The following COL4A3 variants were observed in gnomAD, a reference collection of about 807,000 sequenced individuals.
The protein encoded by COL4A3 is collagen alpha-3(IV) chain.
COL4A3 carries 135 observed loss-of-function variants against 217.4 expected under a neutral mutation model. The observed-to-expected ratio is 0.62, with a 90% CI of 0.54 to 0.72. The LOEUF is 0.72. Among genes scored for constraint, COL4A3 ranks in the 30% least tolerant of loss-of-function variants. The pLI, the probability that COL4A3 is intolerant of heterozygous loss-of-function variation, is 0.00. For missense variants in COL4A3, 1,868 were observed against 2,119.9 expected, an observed-to-expected ratio of 0.88 and a Z score of 2.33; for synonymous variants, 690 against 736.3, an observed-to-expected ratio of 0.94 and a Z score of 1.02.
chr2:227,244,254 G>T, intron 3 of COL4A3, 66 bp from the exon 4 acceptor site: 1 of 1,360,714 alleles, frequency 7.3e-7, no homozygotes, highest in Non-Finnish European at 1.1e-6. Context: ...TGGGTTTGAT[G>T]TATGGGTTTC....
intron 1 of COL4A3, among the ~76,000 whole-genome samples, chr2:227,178,305 C>T (rs2065755344): frequency 6.6e-6 from 1 of 152,058 alleles, no homozygotes; most frequent in Non-Finnish European, 1.5e-5. Flanking sequence ...TCGCTTGAGC[C>T]CTGCAGAGTG....
chr2:227,225,315 C>T (rs1188046464), intron 1 of COL4A3, among the ~76,000 whole-genome samples: 1 of 152,200 alleles, frequency 6.6e-6, no homozygotes, highest in African/African-American at 2.4e-5. Flanking sequence ...TGCGTCTCCA[C>T]CTGCCAGCCT....
Position 227,295,304 on chromosome 2 carries a change from C to A in COL4A3, c.3553C>A (p.Pro1185Thr). 2 of 1,614,068 alleles carry A rather than the reference C, an allele frequency of 1.2e-6. No individual in the cohort carries two copies. Among genetic ancestry groups the A allele is most frequent in the Non-Finnish European group, 1.7e-6 (2 of 1,179,958 alleles). ...LRAPPGPRGN[P>T]GAQGAKGDRG... ...GGCCCCTCCAGGCCCAAGAGGGAAC[C>A]CTGGTGCTCAAGGTAAGCAGTTCTT... Residue 1185 changes from proline to threonine, a missense_variant, in exon 41 of 52, where the codon CCT becomes ACT. This residue lies in a region of COL4A3 where 1,503 missense variants were observed against 1,786.1 expected (regional missense o/e 0.84). Transcript: ENST00000396578.
chr2:227,167,119 T>A (rs2065305505), intron 1 of COL4A3, among the ~76,000 whole-genome samples: 1 of 152,224 alleles, frequency 6.6e-6, no homozygotes, highest in South Asian at 2.1e-4. Context: ...AAAAACATAG[T>A]GTGGGCCAAA....
chr2:227,304,700 C>A (rs2073429912), intron 46 of COL4A3, among the ~76,000 whole-genome samples: 1 of 152,144 alleles, frequency 6.6e-6, no homozygotes, highest in Non-Finnish European at 1.5e-5. Flanking sequence ...TTGATCAATT[C>A]AGGGACATAG....
intron 37 of COL4A3, 148 bp downstream of exon 37, chr2:227,291,034 T>A: frequency 2.2e-6 from 2 of 913,000 alleles, no homozygotes; most frequent in East Asian, 2.7e-5. Flanking sequence ...AAATCCTATC[T>A]CCACAACAGA....
intron 1 of COL4A3, among the ~76,000 whole-genome samples, chr2:227,172,447 G>T (rs992113585): frequency 6.6e-6 from 1 of 152,098 alleles, no homozygotes; most frequent in Non-Finnish European, 1.5e-5. Flanking sequence ...TAGTTCGGCG[G>T]GGGTGGTTGG....
At chr2:227,201,918 G>A (rs769518085) in intron 1 of COL4A3, among the ~76,000 whole-genome samples, 1 of 152,172 alleles carries the variant, frequency 6.6e-6, no homozygotes, top group African/African-American at 2.4e-5. Flanking sequence ...ATGGAATGAT[G>A]TATTATTAAC....
chr2:227,225,917 G>T (rs1283063621), intron 1 of COL4A3, among the ~76,000 whole-genome samples: 1 of 152,054 alleles, frequency 6.6e-6, no homozygotes, highest in African/African-American at 2.4e-5. Context: ...TCACCCTGTT[G>T]GCCAGGCTGG....
At chr2:227,274,271 A>AAATAAATTAATT (rs1397286605) in intron 26 of COL4A3, among the ~76,000 whole-genome samples, 3 of 148,752 alleles carry the variant, frequency 2.0e-5, no homozygotes, top group African/African-American at 7.7e-5. Context: ...ATAAATAAAT[A>AAATAAATTAATT]AATTTTAAAA....
At chr2:227,308,455 C>A (rs150294094) in intron 48 of COL4A3, among the ~76,000 whole-genome samples, 281 of 152,310 alleles carry the variant, frequency 1.8e-3, no homozygotes, top group African/African-American at 6.3e-3. Context: ...CTCAAGCAAT[C>A]CTCCCTCCTC....
At chr2:227,247,772 T>C (rs192883698) in intron 8 of COL4A3, among the ~76,000 whole-genome samples, 188 bp downstream of exon 8, 21 of 152,308 alleles carry the variant, frequency 1.4e-4, no homozygotes, top group African/African-American at 5.1e-4. Flanking sequence ...GCTCTTGTCA[T>C]AAAGAGTCTT....
intron 37 of COL4A3, 68 bp from the exon 38 acceptor site, chr2:227,293,123 T>A (rs1371601145): frequency 6.2e-7 from 1 of 1,600,170 alleles, no homozygotes; most frequent in African/African-American, 1.3e-5. Flanking sequence ...GTGAATAAAG[T>A]TTATGCTGAA....
At chr2:227,168,234 A>G (rs77984924) in intron 1 of COL4A3, among the ~76,000 whole-genome samples, 1 of 152,378 alleles carries the variant, frequency 6.6e-6, no homozygotes, top group Non-Finnish European at 1.5e-5. Flanking sequence ...TGGTTCGTAG[A>G]GAAAACAAAT....
chr2:227,184,921 A>G (rs572176927), intron 1 of COL4A3, among the ~76,000 whole-genome samples: 136 of 19,122 alleles, frequency 7.1e-3, no homozygotes, highest in Non-Finnish European at 0.01. Flanking sequence ...TTTTTTTTTG[A>G]GATGGAGTCT....
chr2:227,212,023 G>T (rs1231538227), intron 1 of COL4A3, among the ~76,000 whole-genome samples: 4 of 152,156 alleles, frequency 2.6e-5, no homozygotes, highest in Non-Finnish European at 5.9e-5. Flanking sequence ...AATGATGTGT[G>T]TGAAGGCATA....
intron 1 of COL4A3, among the ~76,000 whole-genome samples, chr2:227,234,038 T>A (rs567412810): frequency 6.6e-6 from 1 of 152,230 alleles, no homozygotes; most frequent in Non-Finnish European, 1.5e-5. Context: ...AGTTACTGTA[T>A]CAACATTGAT....
Position 227,249,772 on chromosome 2 carries a change from C to T in COL4A3, c.546+1252C>T, listed in dbSNP as rs1385263521. Among the ~76,000 whole-genome samples the T allele has an allele frequency of 4.6e-5, 7 of 152,094 alleles. No individual in the cohort carries two copies. In the South Asian group the frequency reaches 8.3e-4, roughly 18 times the overall value. ...AGATATGATGGCTCTCGCTTTTTTG[C>T]TTAGAAAACATTTAAGAGTCCAGAT... On this transcript the variant is annotated intron_variant, in intron 9 of 51. Transcript: ENST00000396578.
intron 1 of COL4A3, among the ~76,000 whole-genome samples, chr2:227,202,511 G>A (rs546485010): frequency 5.9e-5 from 9 of 151,628 alleles, no homozygotes; most frequent in South Asian, 2.1e-4. Context: ...TTGGGAGGCC[G>A]AGGCGGGCGG....
Sources: allele counts gnomAD v4.1 joint callset (sites outside exome capture counted in the v4.1 genomes callset), GRCh38; gene constraint gnomAD v4.1.1; regional missense constraint gnomAD v4.1.1; transcripts MANE v1.5; gene names NCBI Gene and HGNC (gene_info 2026-07-23, HGNC 2026-07-21).